Variants in MARK2 observed in about 807,000 individuals in gnomAD.
The protein encoded by MARK2 is serine/threonine-protein kinase MARK2.
A neutral mutation model predicts 89.8 loss-of-function variants in MARK2; 16 were observed. The observed-to-expected ratio is 0.18, with a 90% CI of 0.12 to 0.27. The LOEUF (loss-of-function observed/expected upper bound fraction) is 0.27. MARK2 is among the 10% of genes least tolerant of loss of function. The pLI is 1.00. For missense variants in MARK2, 621 were observed against 1,049.9 expected (o/e 0.59, Z 5.65); for synonymous variants, 382 against 399.5 (o/e 0.96, Z 0.52).
At chr11:63,844,313 C>G (rs1565091546) in intron 1 of MARK2, among the ~76,000 whole-genome samples, 1 of 152,104 alleles carries the variant, frequency 6.6e-6, no homozygotes, top group African/African-American at 2.4e-5. Context: ...GACTCCATCT[C>G]TACAAAAAAA....
intron 1 of MARK2, among the ~76,000 whole-genome samples, chr11:63,893,279 A>G (rs1279173230): frequency 1.5e-5 from 1 of 67,874 alleles, no homozygotes; most frequent in Non-Finnish European, 2.8e-5. Context: ...TCAGCCTCCT[A>G]AAGTGCTGGG....
At chr11:63,863,589 TGATTAACTGG>T (rs1937946195) in intron 1 of MARK2, among the ~76,000 whole-genome samples, 1 of 151,308 alleles carries the variant, frequency 6.6e-6, no homozygotes, top group Non-Finnish European at 1.5e-5. Flanking sequence ...CTCAGCCTGC[TGATTAACTGG>T]GACTACAGGC....
At chr11:63,878,649 G>C (rs1405184824) in intron 1 of MARK2, among the ~76,000 whole-genome samples, 1 of 152,082 alleles carries the variant, frequency 6.6e-6, no homozygotes, top group Non-Finnish European at 1.5e-5. Context: ...GATTACAGGA[G>C]TGAGCCACCG....
At chr11:63,870,287 C>T (rs1565111594) in intron 1 of MARK2, among the ~76,000 whole-genome samples, 1 of 152,148 alleles carries the variant, frequency 6.6e-6, no homozygotes, top group Non-Finnish European at 1.5e-5. Flanking sequence ...ATTGCCCAGG[C>T]TGGTCTCAAA....
Position 63,903,212 on chromosome 11 carries a change from G to A in MARK2, c.1514+54G>A. 1.5e-6 allele frequency: 2 copies of A among 1,349,236 alleles called. No homozygotes were observed. The highest frequency in any genetic ancestry group is 2.3e-5 in the East Asian group (1 of 43,652). The allele number at this position is 1,349,236 out of a possible 1,614,324, so 83.6% of individuals were successfully genotyped here. On this transcript the variant is annotated intron_variant, in intron 14 of 18. Transcript: ENST00000402010. This position sits in a 1 kb window ranked among gnomAD's most constrained non-coding sequence, Gnocchi z 5.1. The stretch of plus-strand genomic sequence containing the variant: ...CTCCCTAGGAGCCATGTCTCACAGG[G>A]TGATGTCTGTCAGCAGCACCGTCTC...
At chr11:63,857,982 A>G (rs1306996992) in intron 1 of MARK2, among the ~76,000 whole-genome samples, 1 of 152,148 alleles carries the variant, frequency 6.6e-6, no homozygotes, top group Non-Finnish European at 1.5e-5. Context: ...TGCTGGGATT[A>G]TAGACATGAG....
intron 1 of MARK2, among the ~76,000 whole-genome samples, chr11:63,882,189 T>A (rs1289234270): frequency 6.7e-6 from 1 of 149,114 alleles, no homozygotes; most frequent in African/African-American, 2.4e-5. Flanking sequence ...TTCTTTTTTC[T>A]TATTATTTTT....
At chr11:63,883,676 C>T (rs1331568034) in intron 1 of MARK2, among the ~76,000 whole-genome samples, 2 of 151,718 alleles carry the variant, frequency 1.3e-5, no homozygotes, top group African/African-American at 4.8e-5. Flanking sequence ...GCCTACCTCC[C>T]TGGGCTCAGG....
intron 1 of MARK2, among the ~76,000 whole-genome samples, chr11:63,886,870 AAGCCCTAG>A (rs1321029033): frequency 3.3e-5 from 5 of 152,232 alleles, no homozygotes; most frequent in Non-Finnish European, 7.3e-5. Flanking sequence ...TCACATTGCA[AAGCCCTAG>A]AAAAATGAAG....
At position 63,841,391 on chromosome 11, in the gene MARK2, G is replaced by A. The variant is rs908506165; in HGVS notation, c.54+1831G>A. On this transcript the variant is annotated intron_variant, in intron 1 of 18. Transcript: ENST00000402010. ...GAAATAGGGGTTGAGAGGGAGGGAT[G>A]GTTGATTTCCATTTCATCACTGGGT... Among the ~76,000 whole-genome samples, 2 of 152,168 alleles carry A rather than the reference G, an allele frequency of 1.3e-5. 1 individual carries two copies. The highest frequency in any genetic ancestry group is 2.9e-5 in the Non-Finnish European group (2 of 68,026).
At chr11:63,885,208 A>T (rs1219481039) in intron 1 of MARK2, among the ~76,000 whole-genome samples, 1 of 151,772 alleles carries the variant, frequency 6.6e-6, no homozygotes, top group African/African-American at 2.4e-5. Flanking sequence ...AAATAAATAA[A>T]TAGGGACTTG....
At chr11:63,864,768 T>C (rs1445529557) in intron 1 of MARK2, among the ~76,000 whole-genome samples, 1 of 147,526 alleles carries the variant, frequency 6.8e-6, no homozygotes, top group African/African-American at 2.5e-5. Context: ...CTCAGCACTT[T>C]GGGAGGCCAA....
At position 63,865,087 on chromosome 11, in the gene MARK2, C is replaced by T. The variant is rs78182987; in HGVS notation, c.54+25527C>T. Among the ~76,000 whole-genome samples the T allele has an allele frequency of 3.1e-3, 472 of 151,066 alleles. 9 individuals are homozygous for T. In the East Asian group the frequency reaches 0.047, roughly 15 times the overall value. On this transcript the variant is annotated intron_variant, in intron 1 of 18. Transcript: ENST00000402010. The stretch of plus-strand genomic sequence containing the variant: ...TGCACTTTTTGTAGAGATGGGGTTT[C>T]GTCATGTTGCCCAGGCTGGCCTGGA...
intron 1 of MARK2, among the ~76,000 whole-genome samples, chr11:63,882,280 T>A (rs1219915558): frequency 2.6e-5 from 4 of 151,628 alleles, no homozygotes; most frequent in Non-Finnish European, 4.4e-5. Flanking sequence ...ATAATAAAAG[T>A]TTTAATCTTT....
chr11:63,874,375 T>G (rs1938621914), intron 1 of MARK2, among the ~76,000 whole-genome samples: 2 of 152,222 alleles, frequency 1.3e-5, no homozygotes, highest in African/African-American at 4.8e-5. Context: ...AGACATCTCC[T>G]CTTTTTTCAG....
intron 1 of MARK2, among the ~76,000 whole-genome samples, chr11:63,881,478 C>T (rs1233865862): frequency 1.3e-5 from 2 of 152,044 alleles, no homozygotes; most frequent in African/African-American, 4.8e-5. Flanking sequence ...AGAGTGGGGT[C>T]GAGAGTGGGC....
chr11:63,870,820 A>G (rs893441091), intron 1 of MARK2, among the ~76,000 whole-genome samples: 2 of 152,152 alleles, frequency 1.3e-5, no homozygotes, highest in African/African-American at 4.8e-5. Context: ...AATGGGAGTG[A>G]CTGCTAGAGG....
chr11:63,841,654 G>C (rs553656144), intron 1 of MARK2, among the ~76,000 whole-genome samples: 8 of 152,356 alleles, frequency 5.3e-5, no homozygotes, highest in African/African-American at 1.7e-4. Flanking sequence ...GAGCTGGTAG[G>C]AGGAGGCCAA....
chr11:63,860,355 C>T lies in MARK2; in HGVS notation c.54+20795C>T, dbSNP rs191366643. Reference sequence around the variant, plus strand: ...GATCACGAGGTCAGGAGATCGAGACCATCCTGGCCAACATGGTGAAACCCC... The same window carrying T: ...GATCACGAGGTCAGGAGATCGAGACTATCCTGGCCAACATGGTGAAACCCC... On this transcript the variant is annotated intron_variant, in intron 1 of 18. Coordinates refer to ENST00000402010, the MANE Select transcript of MARK2 (RefSeq NM_001039469.3). Among the ~76,000 whole-genome samples the T allele has an allele frequency of 3.7e-3, 568 of 151,728 alleles. 1 individual carries two copies. The highest frequency in any genetic ancestry group is 5.6e-3 in the Non-Finnish European group (383 of 67,918).
Sources: allele counts gnomAD v4.1 joint callset (sites outside exome capture counted in the v4.1 genomes callset), GRCh38; gene constraint gnomAD v4.1.1; non-coding constraint Gnocchi (gnomAD v3.1); transcripts MANE v1.5; gene names NCBI Gene and HGNC (gene_info 2026-07-23, HGNC 2026-07-21).